ZFPM2: variants seen among roughly 807,000 people sequenced by gnomAD.
ZFPM2 encodes zinc finger protein, FOG family member 2, also known as zinc finger protein ZFPM2.
ZFPM2 carries 20 observed loss-of-function variants against 98.6 expected under a neutral mutation model. The observed-to-expected ratio is 0.20, with a 90% CI of 0.14 to 0.29. The LOEUF (loss-of-function observed/expected upper bound fraction) is 0.29. Among genes scored for constraint, ZFPM2 ranks in the 10% least tolerant of loss-of-function variants. ZFPM2 has a pLI of 1.00. For synonymous variants in ZFPM2, 518 were observed against 502.7 expected (o/e 1.03, Z -0.41); for missense variants, 1,310 against 1,388.6 (o/e 0.94, Z 0.90).
chr8:105,621,718 C>A (rs1268308951), intron 4 of ZFPM2, among the ~76,000 whole-genome samples: 1 of 152,070 alleles, frequency 6.6e-6, no homozygotes, highest in South Asian at 2.1e-4. Context: ...TTGTGAACAT[C>A]TTGAAGAAAT....
At chr8:105,756,693 A>AG (rs886626262) in intron 5 of ZFPM2, among the ~76,000 whole-genome samples, 1 of 152,086 alleles carries the variant, frequency 6.6e-6, no homozygotes, top group Non-Finnish European at 1.5e-5. Context: ...AAGACGGGAG[A>AG]GGGGGAAAAT....
chr8:105,387,254 G>T (rs1563634644), intron 1 of ZFPM2: 1 of 153,898 alleles, frequency 6.5e-6, no homozygotes, highest in Non-Finnish European at 1.4e-5. Context: ...AGACTCAGGA[G>T]CCCAGCTGGC....
At chr8:105,389,810 A>G (rs1811073629) in intron 1 of ZFPM2, among the ~76,000 whole-genome samples, 1 of 152,206 alleles carries the variant, frequency 6.6e-6, no homozygotes, top group Admixed American at 6.5e-5. Flanking sequence ...TAAAAGCAGC[A>G]TGTAGTGGGG....
chr8:105,590,210 T>C (rs1305105254), intron 4 of ZFPM2, among the ~76,000 whole-genome samples: 11 of 152,214 alleles, frequency 7.2e-5, no homozygotes, highest in Non-Finnish European at 1.5e-4. Flanking sequence ...GGGGCTATTT[T>C]TATTTCTAAA....
At chr8:105,524,697 C>T (rs374848636) in intron 3 of ZFPM2, among the ~76,000 whole-genome samples, 1 of 152,052 alleles carries the variant, frequency 6.6e-6, no homozygotes, top group African/African-American at 2.4e-5. Flanking sequence ...ATATGCTGTT[C>T]GTATGCTTCC....
At chr8:105,569,752 C>T (rs991726002) in intron 4 of ZFPM2, among the ~76,000 whole-genome samples, 1 of 152,132 alleles carries the variant, frequency 6.6e-6, no homozygotes, top group Non-Finnish European at 1.5e-5. Context: ...AGAAGGTGTT[C>T]TGCTCTACCA....
At chr8:105,429,640 A>G (rs1265075670) in intron 2 of ZFPM2, among the ~76,000 whole-genome samples, 2 of 151,670 alleles carry the variant, frequency 1.3e-5, no homozygotes, top group Admixed American at 1.3e-4. Context: ...CCTAAAGGGA[A>G]TACCAAAATA....
chr8:105,537,019 T>G (rs1814467180), intron 3 of ZFPM2, among the ~76,000 whole-genome samples: 1 of 152,190 alleles, frequency 6.6e-6, no homozygotes, highest in Non-Finnish European at 1.5e-5. Context: ...TTCAAAGTTC[T>G]TTTAGTTGCT....
intron 5 of ZFPM2, among the ~76,000 whole-genome samples, chr8:105,708,421 C>T (rs1193882807): frequency 1.3e-5 from 2 of 151,598 alleles, no homozygotes; most frequent in Admixed American, 6.6e-5. Context: ...CTTGGGGTTT[C>T]GTTGCCATTG....
At chr8:105,745,357 T>C (rs1233119473) in intron 5 of ZFPM2, among the ~76,000 whole-genome samples, 1 of 152,148 alleles carries the variant, frequency 6.6e-6, no homozygotes, top group East Asian at 1.9e-4. Flanking sequence ...ATGGAGACTA[T>C]TCATGCATGT....
At chr8:105,584,111 T>C (rs113736882) in intron 4 of ZFPM2, among the ~76,000 whole-genome samples, 1 of 152,240 alleles carries the variant, frequency 6.6e-6, no homozygotes, top group African/African-American at 2.4e-5. Context: ...TTTTGGCAGC[T>C]GAAATAATTG....
chr8:105,380,529 C>G (rs781673944), intron 1 of ZFPM2, among the ~76,000 whole-genome samples: 1 of 135,636 alleles, frequency 7.4e-6, no homozygotes, highest in South Asian at 2.2e-4. Context: ...TATGCACACC[C>G]GAACTCAGCC....
intron 1 of ZFPM2, among the ~76,000 whole-genome samples, chr8:105,383,729 C>T (rs1318509074): frequency 6.6e-6 from 1 of 151,952 alleles, no homozygotes; most frequent in Non-Finnish European, 1.5e-5. Context: ...GCTATTTTAG[C>T]CTTGTTTACA....
At chr8:105,486,409 G>T (rs1337195097) in intron 3 of ZFPM2, among the ~76,000 whole-genome samples, 2 of 151,944 alleles carry the variant, frequency 1.3e-5, no homozygotes, top group South Asian at 2.1e-4. Context: ...TAATCAATTT[G>T]GCCTAACAAA....
chr8:105,676,825 AC>A (rs1810481702), intron 5 of ZFPM2, among the ~76,000 whole-genome samples: 1 of 152,058 alleles, frequency 6.6e-6, no homozygotes, highest in African/African-American at 2.4e-5. Context: ...AGAGTTATAG[AC>A]TGGGATTGAC....
intron 3 of ZFPM2, among the ~76,000 whole-genome samples, chr8:105,532,887 G>A (rs1814326297): frequency 1.3e-5 from 2 of 152,046 alleles, no homozygotes; most frequent in Non-Finnish European, 2.9e-5. Flanking sequence ...ACAGAAAGAA[G>A]CAAAGGCTGT....
chr8:105,607,121 C>T (rs1368872981), intron 4 of ZFPM2, among the ~76,000 whole-genome samples: 1 of 152,126 alleles, frequency 6.6e-6, no homozygotes, highest in African/African-American at 2.4e-5. Context: ...GATCCTCTCT[C>T]CTCTTCGGCC....
In ZFPM2 at chr8:105,798,913, C is replaced by T; in HGVS notation, c.929C>T (p.Ala310Val). The part of the protein sequence containing the change: ...FPQCTKSFSN[A>V]RALEMHLNSH... ...CAGTGCACCAAGAGCTTTTCAAATG[C>T]TCGAGCTCTAGAAATGCACCTGAAT... is the stretch of plus-strand genomic sequence containing the variant. Residue 310 changes from alanine to valine, a missense_variant, in exon 7 of 8, where the codon GCT becomes GTT. Ala to Val is a moderately conservative substitution (Grantham distance 64). Transcript: ENST00000407775. 2 of 1,613,948 alleles carry T rather than the reference C, an allele frequency of 1.2e-6. No individual in the cohort carries two copies. The highest frequency in any genetic ancestry group is 8.5e-7 in the Non-Finnish European group (1 of 1,179,838).
intron 3 of ZFPM2, among the ~76,000 whole-genome samples, chr8:105,532,956 T>C (rs1359774010): frequency 6.6e-6 from 1 of 152,158 alleles, no homozygotes; most frequent in Non-Finnish European, 1.5e-5. Flanking sequence ...AGGGAATGTC[T>C]GTATCACTAC....
Sources: gnomAD v4.1 joint callset for allele counts (sites outside exome capture counted in the v4.1 genomes callset) on GRCh38, gnomAD v4.1.1 for gene constraint, MANE v1.5 for transcripts, NCBI Gene and HGNC (gene_info 2026-07-23, HGNC 2026-07-21) for gene names.